PRDX6: variants seen among roughly 807,000 people sequenced by gnomAD.
PRDX6 encodes the protein peroxiredoxin-6.
In PRDX6, 13 loss-of-function variants were observed where a neutral mutation model predicts 20.0. The observed-to-expected ratio is 0.65, with a 90% CI of 0.42 to 1.03. The LOEUF is 1.03. PRDX6 is among the 50% of genes least tolerant of loss of function. The pLI is 0.00. For missense variants in PRDX6, 203 were observed against 276.9 expected (o/e 0.73, Z 1.89); for synonymous variants, 85 against 100.8 (o/e 0.84, Z 0.94).
At chr1:173,481,644 T>C (rs1658802827) in intron 2 of PRDX6, 162 bp downstream of exon 2, 3 of 718,892 alleles carry the variant, frequency 4.2e-6, no homozygotes, top group Non-Finnish European at 6.8e-6. Flanking sequence ...CATTGCTAAA[T>C]CCATTGGTCA....
chr1:173,485,431 G>T lies in PRDX6; in HGVS notation c.323G>T (p.Arg108Leu), dbSNP rs374780662. The T allele has an allele frequency of 6.2e-7, 1 of 1,610,090 alleles. No homozygotes were observed. The highest frequency in any genetic ancestry group is 8.5e-7 in the Non-Finnish European group (1 of 1,178,082). ...LPFPIIDDRN[R>L]ELAILLGMLD... ...TTTCCCATCATCGATGATAGGAATC[G>T]GGAGCTTGCCATCCTGTTGGGCATG... Residue 108 changes from arginine (R) to leucine (L), a missense_variant, in exon 3 of 5, where the codon CGG becomes CTG. Transcript: ENST00000340385.
At position 173,481,329 on chromosome 1, in the gene PRDX6, G is replaced by A; in HGVS notation, c.99G>A (p.Trp33Ter). The A allele has an allele frequency of 1.2e-6, 2 of 1,612,496 alleles. No homozygotes were observed. The highest frequency in any genetic ancestry group is 1.7e-6 in the Non-Finnish European group (2 of 1,178,810). ...ACCTTGTTTTTCTTCCTTTCAGATG[G>A]GGCATTCTCTTCTCCCACCCTCGGG... Reference protein sequence around the residue: ...IRFHDFLGDSWGILFSHPRDF... With the variant: ...IRFHDFLGDS Residue 33 changes from tryptophan (W) to a stop codon, truncating the protein, a stop_gained, in exon 2 of 5, where the codon TGG (tryptophan) becomes TGA (stop). Coordinates refer to ENST00000340385, the MANE Select transcript of PRDX6 (RefSeq NM_004905.3). LOFTEE classifies it high-confidence loss of function.
rs374164639 is a variant in PRDX6 at position 173,486,347 on chromosome 1, C to T, written c.492C>T (p.Val164=). Residue 164 remains valine, a synonymous_variant, in exon 4 of 5, where the codon GTC becomes GTT. Coordinates refer to ENST00000340385, the MANE Select transcript of PRDX6 (RefSeq NM_004905.3). The part of the protein sequence containing the change: ...GRNFDEILRV[V]ISLQLTAEKR... ...ACTTTGATGAGATTCTCAGGGTAGT[C>T]ATCTCTCTCCAGCTGACAGCAGAAA... 6.2e-7 allele frequency: 1 copy of T among 1,612,480 alleles called. No individual in the cohort carries two copies. Among genetic ancestry groups the T allele is most frequent in the African/African-American group, 1.3e-5 (1 of 74,850 alleles).
intron 1 of PRDX6, among the ~76,000 whole-genome samples, chr1:173,479,324 G>C (rs1658764061): frequency 6.6e-6 from 1 of 152,160 alleles, no homozygotes; most frequent in Non-Finnish European, 1.5e-5. Context: ...TACCTTACCG[G>C]GAAGAGAAGT....
chr1:173,484,865 TTTC>T (rs1658870916), intron 2 of PRDX6, among the ~76,000 whole-genome samples: 1 of 151,422 alleles, frequency 6.6e-6, no homozygotes, highest in African/African-American at 2.4e-5. Context: ...TTTTTGGTCA[TTTC>T]TTATTTGTCT....
At chr1:173,485,267 C>T (rs1214040853) in intron 2 of PRDX6, 94 bp from the exon 3 acceptor site, 2 of 1,265,236 alleles carry the variant, frequency 1.6e-6, no homozygotes, top group African/African-American at 1.5e-5. Context: ...ATTTGGTCCT[C>T]TTTCCTGTCT....
intron 2 of PRDX6, 175 bp downstream of exon 2, chr1:173,481,657 C>G: frequency 1.5e-6 from 1 of 650,574 alleles, no homozygotes; most frequent in Non-Finnish European, 2.6e-6. Context: ...ATTGGTCAGT[C>G]AATTCTCAGC....
intron 4 of PRDX6, among the ~76,000 whole-genome samples, chr1:173,487,496 G>A (rs969899875): frequency 4.6e-5 from 7 of 152,230 alleles, no homozygotes; most frequent in African/African-American, 7.2e-5. Flanking sequence ...AATGTAAAGT[G>A]TGGTGGCCAG....
intron 2 of PRDX6, among the ~76,000 whole-genome samples, chr1:173,483,944 T>C (rs966223551): frequency 2.7e-5 from 4 of 150,572 alleles, no homozygotes; most frequent in Non-Finnish European, 5.9e-5. Flanking sequence ...CTACTAAAAA[T>C]ACAAAAAAAA....
At chr1:173,483,532 C>CAG (rs1328201156) in intron 2 of PRDX6, among the ~76,000 whole-genome samples, 12 of 152,032 alleles carry the variant, frequency 7.9e-5, no homozygotes, top group African/African-American at 2.9e-4. Context: ...GCCTGGGCAA[C>CAG]AGAGACTCCA....
At chr1:173,478,483 AT>A (rs972252784) in intron 1 of PRDX6, among the ~76,000 whole-genome samples, 1 of 151,466 alleles carries the variant, frequency 6.6e-6, no homozygotes, top group African/African-American at 2.4e-5. Flanking sequence ...CAGTTTTACC[AT>A]TATGGATAGG....
intron 1 of PRDX6, among the ~76,000 whole-genome samples, chr1:173,479,361 A>G (rs9425724): frequency 0.36 from 54,497 of 151,724 alleles, 12,217 homozygotes; most frequent in African/African-American, 0.63. Flanking sequence ...TTTATAACAC[A>G]TGGATTTTTG....
At chr1:173,486,618 T>C (rs898952659) in intron 4 of PRDX6, among the ~76,000 whole-genome samples, 1 of 152,198 alleles carries the variant, frequency 6.6e-6, no homozygotes, top group African/African-American at 2.4e-5. Context: ...TTCCAACTTT[T>C]AGATAATTTG....
intron 3 of PRDX6, among the ~76,000 whole-genome samples, 171 bp from the exon 4 acceptor site, chr1:173,486,084 A>G (rs1377841495): frequency 6.6e-6 from 1 of 152,230 alleles, no homozygotes; most frequent in Non-Finnish European, 1.5e-5. Flanking sequence ...AGGGAGAAGA[A>G]AATTATCTGT....
intron 4 of PRDX6, 106 bp from the exon 5 acceptor site, chr1:173,487,629 G>A: frequency 7.8e-7 from 1 of 1,274,050 alleles, no homozygotes; most frequent in Non-Finnish European, 1.1e-6. Context: ...AAGAACACTT[G>A]ATTAGTCTCA....
chr1:173,483,955 A>T (rs1179467829), intron 2 of PRDX6, among the ~76,000 whole-genome samples: 1 of 151,270 alleles, frequency 6.6e-6, no homozygotes, highest in Non-Finnish European at 1.5e-5. Context: ...ACAAAAAAAA[A>T]TTAGCCGGTG....
At chr1:173,481,611 T>A (rs1658802186) in intron 2 of PRDX6, 129 bp downstream of exon 2, 1 of 988,140 alleles carries the variant, frequency 1.0e-6, no homozygotes, top group Non-Finnish European at 1.5e-6. Context: ...TTTGAAAATT[T>A]CAGTTGAACC....
chr1:173,477,439 T>G lies in PRDX6; in HGVS notation c.42T>G (p.Phe14Leu), dbSNP rs1465678028. ...TTCTCGGGGACGTGGCTCCCAACTTTGAGGCCAATACCACCGTCGGCCGCA... is the reference window on the plus strand; with the variant it reads ...TTCTCGGGGACGTGGCTCCCAACTTGGAGGCCAATACCACCGTCGGCCGCA... ...GLLLGDVAPN[F>L]EANTTVGRIR... The change falls in exon 1 of 5, where the codon TTT (phenylalanine) becomes TTG (leucine). Residue 14 changes from phenylalanine (F) to leucine (L), a missense_variant. Physicochemically the swap from Phe to Leu is conservative, Grantham distance 22. Coordinates refer to ENST00000340385, the MANE Select transcript of PRDX6 (RefSeq NM_004905.3). 12 of 1,608,320 alleles carry G rather than the reference T, an allele frequency of 7.5e-6. No homozygotes were observed. The Admixed American group carries it at 1.5e-4, about 20-fold the overall frequency.
At position 173,486,496 on chromosome 1, in the gene PRDX6, G is replaced by A. The variant is rs915335134; in HGVS notation, c.546+95G>A. 73 of 1,308,646 alleles carry A rather than the reference G, an allele frequency of 5.6e-5. 1 individual carries two copies. In the South Asian group the frequency reaches 6.6e-4, roughly 12 times the overall value. The allele number at this position is 1,308,646 out of a possible 1,614,324, so 81.1% of individuals were successfully genotyped here. On this transcript the variant is annotated intron_variant, in intron 4 of 4. Transcript: ENST00000340385. ...GGTCTGTGTTACCTGTTTCTAGCACGCAAGTACACTGGGAGGATTTTTCCT... is the reference window on the plus strand; with the variant it reads ...GGTCTGTGTTACCTGTTTCTAGCACACAAGTACACTGGGAGGATTTTTCCT...
Sources: allele counts gnomAD v4.1 joint callset (sites outside exome capture counted in the v4.1 genomes callset), GRCh38; gene constraint gnomAD v4.1.1; transcripts MANE v1.5; gene names NCBI Gene and HGNC (gene_info 2026-07-23, HGNC 2026-07-21).